The following MTCL2 variants were observed in gnomAD, a reference collection of about 807,000 sequenced individuals.
MTCL2 encodes the protein microtubule cross-linking factor 2.
At chr20:36,781,182 C>T in the MTCL2 span, 4 of 152,286 alleles carry the variant, frequency 2.6e-5, no homozygotes, top group African/African-American at 9.6e-5. Context: ...GTTGAGGACT[C>T]GATCCCTTAA....
At chr20:36,853,312 G>C in the MTCL2 span, among the ~76,000 whole-genome samples, 2 of 152,152 alleles carry the variant, frequency 1.3e-5, no homozygotes, top group Non-Finnish European at 2.9e-5. Context: ...ACTGCAGCCC[G>C]AGCAATCCCC....
the MTCL2 span, among the ~76,000 whole-genome samples, chr20:36,835,997 T>C: frequency 6.6e-6 from 1 of 151,866 alleles, no homozygotes; most frequent in Admixed American, 6.6e-5. Flanking sequence ...TCCTCCACTA[T>C]ATGCCCAAAC....
the MTCL2 span, among the ~76,000 whole-genome samples, chr20:36,790,625 T>C: frequency 3.8e-3 from 565 of 149,498 alleles, 7 homozygotes; most frequent in African/African-American, 0.013. Flanking sequence ...TTAGTAGAGA[T>C]GGGGTTTCAC....
chr20:36,836,835 A>T, the MTCL2 span, among the ~76,000 whole-genome samples: 2 of 152,118 alleles, frequency 1.3e-5, no homozygotes, highest in African/African-American at 4.8e-5. Flanking sequence ...GGACAGCACT[A>T]CAATCCCATT....
the MTCL2 span, among the ~76,000 whole-genome samples, chr20:36,850,478 A>G: frequency 6.6e-6 from 1 of 151,698 alleles, no homozygotes; most frequent in Non-Finnish European, 1.5e-5. Flanking sequence ...GTGAGCCAAG[A>G]TGGCACCACT....
the MTCL2 span, among the ~76,000 whole-genome samples, chr20:36,820,841 CA>C: frequency 9.4e-4 from 126 of 134,732 alleles, no homozygotes; most frequent in East Asian, 1.9e-3. Flanking sequence ...GACTCTGTCT[CA>C]AAAAAAAAAA....
chr20:36,795,693 TTGAACC>T, the MTCL2 span, among the ~76,000 whole-genome samples: 1 of 152,044 alleles, frequency 6.6e-6, no homozygotes, highest in African/African-American at 2.4e-5. Context: ...GGAGAATTGC[TTGAACC>T]TGGGAGGTGG....
chr20:36,820,801 C>A, the MTCL2 span, among the ~76,000 whole-genome samples: 25 of 151,820 alleles, frequency 1.6e-4, 1 homozygote, highest in East Asian at 4.8e-3. Flanking sequence ...GAGATCACAC[C>A]ACTGCACTCC....
At chr20:36,852,043 T>C in the MTCL2 span, among the ~76,000 whole-genome samples, 1 of 152,128 alleles carries the variant, frequency 6.6e-6, no homozygotes, top group Admixed American at 6.5e-5. Flanking sequence ...TTCCAAACCT[T>C]ACCCAAATGT....
chr20:36,823,395 C>A, the MTCL2 span, among the ~76,000 whole-genome samples: 1 of 152,158 alleles, frequency 6.6e-6, no homozygotes, highest in East Asian at 1.9e-4. Context: ...GCAGCCCTCA[C>A]GGTGGTTGTG....
chr20:36,843,830 A>G, the MTCL2 span, among the ~76,000 whole-genome samples: 1 of 152,256 alleles, frequency 6.6e-6, no homozygotes. Context: ...TAACAAATGC[A>G]TGACATTTAG....
the MTCL2 span, among the ~76,000 whole-genome samples, chr20:36,790,355 T>C: frequency 2.0e-5 from 3 of 150,560 alleles, no homozygotes; most frequent in Non-Finnish European, 4.4e-5. Flanking sequence ...CTCAAACTCC[T>C]GGCTTCAAGC....
the MTCL2 span, among the ~76,000 whole-genome samples, chr20:36,824,230 C>G: frequency 6.6e-6 from 1 of 152,220 alleles, no homozygotes; most frequent in Non-Finnish European, 1.5e-5. Context: ...CAGAAACGTG[C>G]ACATGAATGT....
At chr20:36,800,533 G>A in the MTCL2 span, among the ~76,000 whole-genome samples, 121 of 152,322 alleles carry the variant, frequency 7.9e-4, no homozygotes, top group Non-Finnish European at 1.3e-3. Context: ...CCAGATCTGG[G>A]AGTTCTGCCA....
chr20:36,848,886 TTCATA>T, the MTCL2 span, among the ~76,000 whole-genome samples: 7 of 152,132 alleles, frequency 4.6e-5, no homozygotes, highest in African/African-American at 1.7e-4. Flanking sequence ...CACAGGTATT[TTCATA>T]TCATATAACA....
At chr20:36,795,798 A>C in the MTCL2 span, among the ~76,000 whole-genome samples, 1,003 of 152,066 alleles carry the variant, frequency 6.6e-3, 13 homozygotes, top group African/African-American at 0.023. Flanking sequence ...AAAACAAAAA[A>C]AACAAAACAC....
the MTCL2 span, among the ~76,000 whole-genome samples, chr20:36,837,547 CATTATTATTATTATTATTATT>C: frequency 2.4e-5 from 3 of 125,278 alleles, no homozygotes; most frequent in South Asian, 2.4e-4. Context: ...ATTTTACCCA[CATTATTATTATTATTATTATT>C]ATTATTATTA....
At chr20:36,781,529 C>CT in the MTCL2 span, 1 of 150,940 alleles carries the variant, frequency 6.6e-6, no homozygotes, top group Admixed American at 6.6e-5. Flanking sequence ...GAGCAAGACT[C>CT]TGTCTCCAAA....
chr20:36,783,902 C>G, the MTCL2 span: 4 of 985,386 alleles, frequency 4.1e-6, no homozygotes, highest in Admixed American at 2.5e-4. Context: ...ATTTTCAACC[C>G]CATCCAGCCC....
Sources: gnomAD v4.1 joint callset for allele counts (sites outside exome capture counted in the v4.1 genomes callset) on GRCh38, gnomAD v4.1.1 for gene constraint, MANE v1.5 for transcripts, NCBI Gene and HGNC (gene_info 2026-07-23, HGNC 2026-07-21) for gene names.